RAB3D: variants seen among roughly 807,000 people sequenced by gnomAD.
The protein encoded by RAB3D is ras-related protein Rab-3D.
RAB3D carries 17 observed loss-of-function variants against 19.3 expected under a neutral mutation model. The ratio of observed to expected loss-of-function variants is 0.88; its 90% confidence interval spans 0.60 to 1.32. RAB3D has a LOEUF of 1.32. Ranked by LOEUF, RAB3D falls within the 40% of genes most tolerant of loss-of-function variation. RAB3D has a pLI of 0.00. For synonymous variants in RAB3D, 103 were observed against 119.9 expected (o/e 0.86, Z 0.92); for missense variants, 223 against 299.1 (o/e 0.75, Z 1.88).
At position 11,322,518 on chromosome 19, in the gene RAB3D, A is replaced by T. The variant is rs191458814; in HGVS notation, c.*2880T>A. ...CCTGGAGCTGGAGAGGGGTTTTCCC[A>T]CGGCCTTTGGTTTAATGTGTCTGTA... On this transcript the variant is annotated 3_prime_UTR_variant, in exon 5 of 5. Transcript: ENST00000222120. The T allele has an allele frequency of 3.9e-5, 6 of 152,264 alleles. No individual in the cohort carries two copies. The East Asian group carries it at 1.2e-3, about 29-fold the overall frequency. 9.4% of individuals were successfully genotyped at this position (152,264 alleles called of 1,614,324 possible). A position where few individuals can be genotyped will look rare whatever the true frequency, so the allele number is the denominator to read the frequency against.
intron 4 of RAB3D, among the ~76,000 whole-genome samples, chr19:11,328,946 T>C (rs2147967518): frequency 6.6e-6 from 1 of 151,800 alleles, no homozygotes. Flanking sequence ...TTTTTTTTTT[T>C]TTTAAGACAG....
chr19:11,338,437 A>G (rs533317724), intron 1 of RAB3D, among the ~76,000 whole-genome samples: 1 of 152,306 alleles, frequency 6.6e-6, no homozygotes, highest in Admixed American at 6.5e-5. Flanking sequence ...AGAGCCCCTG[A>G]TTAAGGCTTG....
intron 4 of RAB3D, among the ~76,000 whole-genome samples, chr19:11,330,438 C>T (rs958814744): frequency 3.3e-5 from 5 of 152,220 alleles, no homozygotes; most frequent in East Asian, 1.9e-4. Flanking sequence ...CAACTGAGCA[C>T]GGGTGTGAGT....
chr19:11,328,932 CTT>C (rs747096753), intron 4 of RAB3D, among the ~76,000 whole-genome samples: 98 of 137,588 alleles, frequency 7.1e-4, no homozygotes, highest in Middle Eastern at 3.7e-3. Flanking sequence ...CTTTATTCAT[CTT>C]TTTTTTTTTT....
At chr19:11,331,642 C>G (rs1008938973) in intron 4 of RAB3D, among the ~76,000 whole-genome samples, 7 of 152,064 alleles carry the variant, frequency 4.6e-5, no homozygotes, top group African/African-American at 1.7e-4. Flanking sequence ...GCCCAGGTGT[C>G]TGAGGCTACA....
chr19:11,329,175 C>T (rs370620415), intron 4 of RAB3D, among the ~76,000 whole-genome samples: 2 of 152,152 alleles, frequency 1.3e-5, no homozygotes, highest in East Asian at 1.9e-4. Flanking sequence ...GCCTTGACCT[C>T]CCAAAGTGCA....
intron 1 of RAB3D, among the ~76,000 whole-genome samples, chr19:11,337,857 G>A (rs1433177802): frequency 1.3e-5 from 2 of 151,910 alleles, no homozygotes; most frequent in Non-Finnish European, 2.9e-5. Flanking sequence ...TTTTTTTGTA[G>A]AGATGGGGTC....
Position 11,324,176 on chromosome 19 carries a change from T to C in RAB3D, c.*1222A>G, listed in dbSNP as rs546792496. On this transcript the variant is annotated 3_prime_UTR_variant, in exon 5 of 5. Transcript: ENST00000222120. ...CCCAACCCCCAGCATCCCTTAGAAG[T>C]GACCCCTAGTTTGAGGCTGTGGTGA... is the stretch of plus-strand genomic sequence containing the variant. 3.4e-4 allele frequency: 52 copies of C among 151,634 alleles called. No individual in the cohort carries two copies. Among genetic ancestry groups the C allele is most frequent in the African/African-American group, 1.2e-3 (51 of 41,202 alleles). The allele number at this position is 151,634 out of a possible 1,614,324, so 9.4% of individuals were successfully genotyped here.
chr19:11,331,449 G>A (rs907140952), intron 4 of RAB3D, among the ~76,000 whole-genome samples: 1 of 151,556 alleles, frequency 6.6e-6, no homozygotes, highest in African/African-American at 2.4e-5. Context: ...GCTCATGCCT[G>A]TAATCCCAGC....
chr19:11,337,440 C>A lies in RAB3D; in HGVS notation c.-41G>T. 1 of 1,558,888 alleles carries A rather than the reference C, an allele frequency of 6.4e-7. No individual in the cohort carries two copies. The highest frequency in any genetic ancestry group is 1.1e-5 in the South Asian group (1 of 90,026). The stretch of plus-strand genomic sequence containing the variant: ...CTGGGACAGGGAGACCTGAAATCCT[C>A]AGGGAGAGGAGACGGGCGTCCTGCA... On this transcript the variant is annotated 5_prime_UTR_variant, in exon 2 of 5. Coordinates refer to ENST00000222120, the MANE Select transcript of RAB3D (RefSeq NM_004283.4).
At chr19:11,338,746 C>A (rs988218000) in intron 1 of RAB3D, among the ~76,000 whole-genome samples, 1 of 152,124 alleles carries the variant, frequency 6.6e-6, no homozygotes, top group African/African-American at 2.4e-5. Context: ...CCCACCACCA[C>A]GACCACTGCC....
intron 1 of RAB3D, among the ~76,000 whole-genome samples, chr19:11,338,718 C>G (rs1429323960): frequency 6.6e-6 from 1 of 152,136 alleles, no homozygotes; most frequent in African/African-American, 2.4e-5. Context: ...ACGATCCCAG[C>G]CACTTAATTA....
chr19:11,336,660 C>T (rs999530303), intron 2 of RAB3D, among the ~76,000 whole-genome samples: 3 of 151,882 alleles, frequency 2.0e-5, no homozygotes, highest in African/African-American at 7.2e-5. Context: ...CAATCAGACC[C>T]CCAGGAATAA....
chr19:11,325,332 G>A lies in RAB3D; in HGVS notation c.*66C>T. 9.4e-7 allele frequency: 1 copy of A among 1,063,120 alleles called. No individual in the cohort carries two copies. Among genetic ancestry groups the A allele is most frequent in the Non-Finnish European group, 1.4e-6 (1 of 740,254 alleles). 65.9% of individuals were successfully genotyped at this position (1,063,120 alleles called of 1,614,324 possible). ...CCTGAGCTTGGAGATAACCACTGTG[G>A]CTCACGCCTCGATCACAGTCCCTGC... On this transcript the variant is annotated 3_prime_UTR_variant, in exon 5 of 5. Transcript: ENST00000222120.
At chr19:11,332,213 G>C (rs1364564745) in intron 4 of RAB3D, among the ~76,000 whole-genome samples, 2 of 151,914 alleles carry the variant, frequency 1.3e-5, no homozygotes, top group African/African-American at 4.8e-5. Flanking sequence ...TGTATTTTTA[G>C]TAGAGATGAG....
At position 11,325,656 on chromosome 19, in the gene RAB3D, A is replaced by C. The variant is rs942257749; in HGVS notation, c.473-71T>G. The C allele has an allele frequency of 8.3e-6, 12 of 1,446,926 alleles. No homozygotes were observed. The Middle Eastern group carries it at 7.4e-4, about 89-fold the overall frequency. The allele number at this position is 1,446,926 out of a possible 1,614,324, so 89.6% of individuals were successfully genotyped here. ...AGAGTCTCAGCTGTGGCATCACAGAAACCTGGCTTCTAAGCCTAGTTCTGC... is the reference window on the plus strand; with the variant it reads ...AGAGTCTCAGCTGTGGCATCACAGACACCTGGCTTCTAAGCCTAGTTCTGC... On this transcript the variant is annotated intron_variant, in intron 4 of 4. Coordinates refer to ENST00000222120, the MANE Select transcript of RAB3D (RefSeq NM_004283.4).
chr19:11,323,938 C>A lies in RAB3D; in HGVS notation c.*1460G>T. The A allele has an allele frequency of 6.6e-6, 1 of 152,228 alleles. No individual in the cohort carries two copies. The highest frequency in any genetic ancestry group is 1.5e-5 in the Non-Finnish European group (1 of 68,042). 9.4% of individuals were successfully genotyped at this position (152,228 alleles called of 1,614,324 possible). ...TTTGGAATCTGATGGGCAGAAAGTGCCTCTAAACCGGAGGTCAAGATGTAC... is the reference window on the plus strand; with the variant it reads ...TTTGGAATCTGATGGGCAGAAAGTGACTCTAAACCGGAGGTCAAGATGTAC... On this transcript the variant is annotated 3_prime_UTR_variant, in exon 5 of 5. Coordinates refer to ENST00000222120, the MANE Select transcript of RAB3D (RefSeq NM_004283.4).
At chr19:11,327,209 G>A (rs1357696213) in intron 4 of RAB3D, among the ~76,000 whole-genome samples, 1 of 152,206 alleles carries the variant, frequency 6.6e-6, no homozygotes, top group Non-Finnish European at 1.5e-5. Context: ...CCGACACAGA[G>A]AGGGTGCTTA....
intron 4 of RAB3D, among the ~76,000 whole-genome samples, chr19:11,328,390 G>A (rs1455595575): frequency 2.7e-5 from 4 of 148,946 alleles, no homozygotes; most frequent in South Asian, 2.1e-4. Flanking sequence ...GGTGGCTCAC[G>A]CCTGTAATTC....
Sources: allele counts gnomAD v4.1 joint callset (sites outside exome capture counted in the v4.1 genomes callset), GRCh38; gene constraint gnomAD v4.1.1; transcripts MANE v1.5; gene names NCBI Gene and HGNC (gene_info 2026-07-23, HGNC 2026-07-21).